SLC9A5: variants seen among roughly 807,000 people sequenced by gnomAD.
SLC9A5 encodes solute carrier family 9 member A5.
In SLC9A5, 52 loss-of-function variants were observed where a neutral mutation model predicts 91.7. That is an observed-to-expected ratio of 0.57 (90% confidence interval 0.45 to 0.71). SLC9A5 has a LOEUF of 0.71. SLC9A5 is among the 30% of genes least tolerant of loss of function. SLC9A5 has a pLI of 0.00. For synonymous variants in SLC9A5, 419 were observed against 474.5 expected (o/e 0.88, Z 1.52); for missense variants, 871 against 1,158.9 (o/e 0.75, Z 3.61).
chr16:67,259,524 G>A, intron 10 of SLC9A5, 49 bp from the exon 11 acceptor site: 3 of 1,382,808 alleles, frequency 2.2e-6, no homozygotes, highest in Non-Finnish European at 3.1e-6. Context: ...CTGACTCCTG[G>A]GCAACCCTCC....
At chr16:67,261,595 C>T (rs1184180143) in intron 12 of SLC9A5, 2 of 152,138 alleles carry the variant, frequency 1.3e-5, no homozygotes, top group Non-Finnish European at 2.9e-5. Context: ...TATCTTTTCC[C>T]CGCTGGATGT....
chr16:67,264,618 C>A, intron 13 of SLC9A5, 96 bp downstream of exon 13: 1 of 1,229,290 alleles, frequency 8.1e-7, no homozygotes, highest in Non-Finnish European at 1.2e-6. Context: ...GGGGGAACCC[C>A]AGTTGGGACA....
chr16:67,257,321 G>A lies in SLC9A5; in HGVS notation c.1336-24G>A. ...AGGGAACTGAATAGGAATAGGGCAGGGCTCACCTCCTGCCTGTCCATAGGG... is the reference window on the plus strand; with the variant it reads ...AGGGAACTGAATAGGAATAGGGCAGAGCTCACCTCCTGCCTGTCCATAGGG... On this transcript the variant is annotated intron_variant, in intron 7 of 15. Coordinates refer to ENST00000299798, the MANE Select transcript of SLC9A5 (RefSeq NM_004594.3). This position sits in a 1 kb window ranked among gnomAD's most constrained non-coding sequence, Gnocchi z 5.1. The A allele has an allele frequency of 6.3e-7, 1 of 1,598,326 alleles. No individual in the cohort carries two copies.
chr16:67,268,789 G>T (rs187029018), intron 15 of SLC9A5, among the ~76,000 whole-genome samples: 3 of 144,752 alleles, frequency 2.1e-5, no homozygotes, highest in Non-Finnish European at 4.5e-5. Flanking sequence ...GAGTGATTTT[G>T]CTCCCCCAGG....
chr16:67,251,220 A>C (rs1020648986), intron 1 of SLC9A5, among the ~76,000 whole-genome samples: 1 of 152,142 alleles, frequency 6.6e-6, no homozygotes, highest in Admixed American at 6.6e-5. Flanking sequence ...CCAAAGTTTT[A>C]AAAACTACGC....
At chr16:67,254,475 C>T (rs537294251) in intron 2 of SLC9A5, among the ~76,000 whole-genome samples, 2 of 152,334 alleles carry the variant, frequency 1.3e-5, no homozygotes, top group Admixed American at 6.5e-5. Flanking sequence ...CGGCTCACTG[C>T]GGCCTCCGCC....
chr16:67,264,089 G>A (rs555221504), intron 12 of SLC9A5, among the ~76,000 whole-genome samples: 44 of 152,326 alleles, frequency 2.9e-4, no homozygotes, highest in African/African-American at 8.9e-4. Flanking sequence ...AGAGAGAATC[G>A]GGAAAGGATG....
At position 67,252,871 on chromosome 16, in the gene SLC9A5, G is replaced by A; in HGVS notation, c.490+27G>A. 1 of 1,591,064 alleles carries A rather than the reference G, an allele frequency of 6.3e-7. No individual in the cohort carries two copies. Among genetic ancestry groups the A allele is most frequent in the Non-Finnish European group, 8.5e-7 (1 of 1,169,850 alleles). ...TGAGTGACCCTAAGACCTGGGCTTT[G>A]CCAGACCCATCACCCCTCTCCCTTC... On this transcript the variant is annotated intron_variant, in intron 2 of 15. Transcript: ENST00000299798. This position sits in a 1 kb window ranked among gnomAD's most constrained non-coding sequence, Gnocchi z 4.0.
Position 67,255,896 on chromosome 16 carries a change from A to G in SLC9A5, c.877A>G (p.Thr293Ala). ...CCTCCTCGCCTACGCAGCCTACCTC[A>G]CTGCTGAAATGGCCTCGCTCTCCGC... ...VFLLAYAAYL[T>A]AEMASLSAIL... The change falls in exon 5 of 16, where the codon ACT becomes GCT. Residue 293 changes from threonine to alanine, a missense_variant. By Grantham distance (58) the Thr-to-Ala change is moderately conservative (BLOSUM62 0). Transcript: ENST00000299798. This position sits in a 1 kb window ranked among gnomAD's most constrained non-coding sequence, Gnocchi z 4.9. 6.2e-7 allele frequency: 1 copy of G among 1,613,742 alleles called. No individual in the cohort carries two copies. The highest frequency in any genetic ancestry group is 1.3e-5 in the African/African-American group (1 of 75,038).
In SLC9A5 at chr16:67,256,141, C is replaced by G. The variant is rs1354812361; in HGVS notation, c.911+211C>G. Among the ~76,000 whole-genome samples, 1 of 152,190 alleles carries G rather than the reference C, an allele frequency of 6.6e-6. No individual in the cohort carries two copies. The highest frequency in any genetic ancestry group is 1.5e-5 in the Non-Finnish European group (1 of 68,034). The stretch of plus-strand genomic sequence containing the variant: ...GCTGTCCTCAGCACCCTGAAACCCT[C>G]TGGGTGTAGGCTGGGCTGGAAGTAG... On this transcript the variant is annotated intron_variant, in intron 5 of 15. Coordinates refer to ENST00000299798, the MANE Select transcript of SLC9A5 (RefSeq NM_004594.3). The surrounding 1 kb of genome is among the most constrained non-coding windows in gnomAD (Gnocchi z 4.1).
At chr16:67,254,018 G>C (rs1261057231) in intron 2 of SLC9A5, among the ~76,000 whole-genome samples, 2 of 152,142 alleles carry the variant, frequency 1.3e-5, no homozygotes, top group African/African-American at 4.8e-5. Context: ...AACTATTTGG[G>C]GCAGGAAGGG....
intron 2 of SLC9A5, among the ~76,000 whole-genome samples, chr16:67,253,564 C>G (rs2035207784): frequency 6.6e-6 from 1 of 152,092 alleles, no homozygotes; most frequent in African/African-American, 2.4e-5. Flanking sequence ...TCACTCTTGT[C>G]CAGGCTAGAG....
chr16:67,271,010 C>T lies in SLC9A5; in HGVS notation c.2491C>T (p.Leu831=). The T allele has an allele frequency of 6.2e-7, 1 of 1,613,906 alleles. No individual in the cohort carries two copies. Among genetic ancestry groups the T allele is most frequent in the Non-Finnish European group, 8.5e-7 (1 of 1,179,852 alleles). ...GTEEPQVPLH[L]PSDPRSSFAF... is the part of the protein sequence containing the mutation. ...TGAAGAGCCCCAGGTCCCTCTCCACCTACCTTCTGATCCACGCTCTAGCTT... is the reference window on the plus strand; with the variant it reads ...TGAAGAGCCCCAGGTCCCTCTCCACTTACCTTCTGATCCACGCTCTAGCTT... Residue 831 remains leucine (L), a synonymous_variant, in exon 16 of 16, where the codon CTA becomes TTA. Coordinates refer to ENST00000299798, the MANE Select transcript of SLC9A5 (RefSeq NM_004594.3).
Position 67,270,786 on chromosome 16 carries a change from C to A in SLC9A5, c.2267C>A (p.Thr756Asn). The change falls in exon 16 of 16, where the codon ACC (threonine) becomes AAC (asparagine). Residue 756 changes from threonine (T) to asparagine (N), a missense_variant. By Grantham distance (65) the Thr-to-Asn change is moderately conservative (BLOSUM62 0). Transcript: ENST00000299798. The surrounding 1 kb of genome is among the most constrained non-coding windows in gnomAD (Gnocchi z 4.3). The stretch of plus-strand genomic sequence containing the variant: ...CCACGAATCATTCCCCCCTCCCCAA[C>A]CTGTGCAGAAAAGGAGCTCCCCTGG... ...PSPRIIPPSP[T>N]CAEKELPWKS... 6 of 1,613,930 alleles carry A rather than the reference C, an allele frequency of 3.7e-6. No homozygotes were observed. The highest frequency in any genetic ancestry group is 5.1e-6 in the Non-Finnish European group (6 of 1,179,884).
Position 67,255,472 on chromosome 16 carries a change from G to C in SLC9A5, c.733+1G>C. The stretch of plus-strand genomic sequence containing the variant: ...GCCACTGACTACCTGAAGGGAGTCG[G>C]TCAGTATTTCCCCGCTCCCAGCTGG... On this transcript the variant is annotated splice_donor_variant, in intron 4 of 15. Coordinates refer to ENST00000299798, the MANE Select transcript of SLC9A5 (RefSeq NM_004594.3). LOFTEE classifies it high-confidence loss of function. This position sits in a 1 kb window ranked among gnomAD's most constrained non-coding sequence, Gnocchi z 4.9. The C allele has an allele frequency of 6.2e-7, 1 of 1,613,980 alleles. No homozygotes were observed. The highest frequency in any genetic ancestry group is 8.5e-7 in the Non-Finnish European group (1 of 1,179,952).
rs1342849981 is a variant in SLC9A5, at chr16:67,259,566, C to A, written c.1627-7C>A. ...TTGCTGGCTGACCTTGGTCTTGACA[C>A]CTGCAGGGAGGCCACGTCTTGTCTT... is the stretch of plus-strand genomic sequence containing the variant. On this transcript the variant is annotated splice_polypyrimidine_tract_variant and splice_region_variant and intron_variant, in intron 10 of 15. Transcript: ENST00000299798. 6.2e-7 allele frequency: 1 copy of A among 1,613,252 alleles called. No individual in the cohort carries two copies. The highest frequency in any genetic ancestry group is 1.3e-5 in the African/African-American group (1 of 74,986).
At position 67,257,096 on chromosome 16, in the gene SLC9A5, T is replaced by G; in HGVS notation, c.1318T>G (p.Phe440Val). 1 of 1,610,850 alleles carries G rather than the reference T, an allele frequency of 6.2e-7. No homozygotes were observed. The highest frequency in any genetic ancestry group is 1.3e-5 in the African/African-American group (1 of 75,074). ...FVATTIVVVF[F>V]TVIVQGLTIK... ...AGCCACCACTATTGTAGTGGTCTTCTTCACAGTCATCGTGCAGGTGGGAGT... is the reference window on the plus strand; with the variant it reads ...AGCCACCACTATTGTAGTGGTCTTCGTCACAGTCATCGTGCAGGTGGGAGT... Residue 440 changes from phenylalanine (F) to valine (V), a missense_variant, in exon 7 of 16, where the codon TTC (phenylalanine) becomes GTC (valine). By Grantham distance (50) the Phe-to-Val change is conservative (BLOSUM62 -1). Transcript: ENST00000299798. This position sits in a 1 kb window ranked among gnomAD's most constrained non-coding sequence, Gnocchi z 5.1.
At position 67,259,958 on chromosome 16, in the gene SLC9A5, C is replaced by T; in HGVS notation, c.1842+12C>T. On this transcript the variant is annotated intron_variant, in intron 12 of 15. Transcript: ENST00000299798. ...AGCCGCGCCGTAGGGTGAGAGCAGG[C>T]AGGCATCAGGATTTTGAGGGGGTGG... 3 of 1,612,474 alleles carry T rather than the reference C, an allele frequency of 1.9e-6. No homozygotes were observed. The highest frequency in any genetic ancestry group is 2.5e-6 in the Non-Finnish European group (3 of 1,179,236).
At position 67,256,661 on chromosome 16, in the gene SLC9A5, C is replaced by T. The variant is rs761876313; in HGVS notation, c.1104C>T (p.Leu368=). ...AWDSGLVLGT[L]IFILFFRALG... Reference sequence around the variant, plus strand: ...ATTCTGGGCTGGTGCTGGGCACCCTCATCTTCATCCTGTTCTTCCGAGCCC... The same window carrying T: ...ATTCTGGGCTGGTGCTGGGCACCCTTATCTTCATCCTGTTCTTCCGAGCCC... The change falls in exon 6 of 16, where the codon CTC becomes CTT. Residue 368 remains leucine, a synonymous_variant. Coordinates refer to ENST00000299798, the MANE Select transcript of SLC9A5 (RefSeq NM_004594.3). The surrounding 1 kb of genome is among the most constrained non-coding windows in gnomAD (Gnocchi z 4.1). 3.7e-6 allele frequency: 6 copies of T among 1,613,454 alleles called. No individual in the cohort carries two copies. In the Admixed American group the frequency reaches 6.7e-5, roughly 18 times the overall value.
Sources: allele counts gnomAD v4.1 joint callset (sites outside exome capture counted in the v4.1 genomes callset), GRCh38; gene constraint gnomAD v4.1.1; non-coding constraint Gnocchi (gnomAD v3.1); transcripts MANE v1.5; gene names NCBI Gene and HGNC (gene_info 2026-07-23, HGNC 2026-07-21).